The following HYKK variants were observed in gnomAD, a reference collection of about 807,000 sequenced individuals.
HYKK encodes 5-hydroxy-L-lysine kinase.
A neutral mutation model predicts 29.7 loss-of-function variants in HYKK; 19 were observed. The ratio of observed to expected loss-of-function variants is 0.64; its 90% CI spans 0.45 to 0.94. The LOEUF is 0.94. HYKK is among the 40% of genes least tolerant of loss of function. The probability of loss-of-function intolerance (pLI) is 0.00; values close to 1 mark genes in which losing one functional copy is unlikely to be tolerated. For missense variants in HYKK, 390 were observed against 443.4 expected (o/e 0.88, Z 1.08); for synonymous variants, 152 against 158.1 (o/e 0.96, Z 0.29).
intron 1 of HYKK, among the ~76,000 whole-genome samples, chr15:78,509,528 G>T (rs553962320): frequency 3.9e-5 from 6 of 152,306 alleles, no homozygotes; most frequent in African/African-American, 1.4e-4. Context: ...TGCCTCTAAG[G>T]TTCCTTACAA....
At chr15:78,528,166 G>GAA (rs2052277066) in intron 4 of HYKK, 1 of 153,702 alleles carries the variant, frequency 6.5e-6, no homozygotes, top group Non-Finnish European at 1.4e-5. Context: ...TGAGCAGAGG[G>GAA]AAAGCAAGCA....
chr15:78,513,582 G>GACCCT, intron 2 of HYKK, among the ~76,000 whole-genome samples, 157 bp downstream of exon 2: 1 of 152,182 alleles, frequency 6.6e-6, no homozygotes, highest in African/African-American at 2.4e-5. Context: ...AGAGGTGGTT[G>GACCCT]TGTTTTCGGT....
At chr15:78,532,115 G>T (rs939579999) in intron 4 of HYKK, among the ~76,000 whole-genome samples, 2 of 152,186 alleles carry the variant, frequency 1.3e-5, no homozygotes, top group Middle Eastern at 3.2e-3. Context: ...TTAAATCCGT[G>T]CTTCTTAGAC....
rs2052331874 is a variant in HYKK at position 78,533,471 on chromosome 15, T to C, written c.923T>C (p.Leu308Pro). 3 of 1,614,246 alleles carry C rather than the reference T, an allele frequency of 1.9e-6. No individual in the cohort carries two copies. The highest frequency in any genetic ancestry group is 2.5e-6 in the Non-Finnish European group (3 of 1,180,044). Residue 308 changes from leucine (L) to proline (P), a missense_variant, in exon 5 of 5, where the codon CTT becomes CCT. Physicochemically the swap from Leu to Pro is moderately conservative, Grantham distance 98. Transcript: ENST00000388988. ...GTAGAGAAGGGTGCTTTGTTTTTAC[T>C]TGTATGCAGTCGTTTTTGTCAGTCA... The part of the protein sequence containing the change: ...TAVEKGALFL[L>P]VCSRFCQSLV...
intron 3 of HYKK, among the ~76,000 whole-genome samples, chr15:78,524,817 A>G (rs988147041): frequency 2.6e-5 from 4 of 152,026 alleles, no homozygotes; most frequent in African/African-American, 9.7e-5. Flanking sequence ...TCAAAAACAA[A>G]CAAACAAACA....
chr15:78,513,990 C>T (rs1345512843), intron 2 of HYKK, among the ~76,000 whole-genome samples: 3 of 152,018 alleles, frequency 2.0e-5, no homozygotes, highest in African/African-American at 7.3e-5. Flanking sequence ...CAGGGTTTCG[C>T]CATGTTGCCC....
In HYKK at chr15:78,535,786, C is replaced by T. The variant is rs1448048844; in HGVS notation, c.*2116C>T. 1 of 151,838 alleles carries T rather than the reference C, an allele frequency of 6.6e-6. No homozygotes were observed. Among genetic ancestry groups the T allele is most frequent in the Non-Finnish European group, 1.5e-5 (1 of 68,042 alleles). The allele number at this position is 151,838 out of a possible 1,614,324, so 9.4% of individuals were successfully genotyped here. A position where few individuals can be genotyped will look rare whatever the true frequency, so the allele number is the denominator to read the frequency against. On this transcript the variant is annotated 3_prime_UTR_variant, in exon 5 of 5. Transcript: ENST00000388988. The stretch of plus-strand genomic sequence containing the variant: ...ACGCTGGAGTGCAGTGGTGTGATCA[C>T]AGCTCACTGCAACCTCTACCTCCTG...
rs2052212536 is a variant in HYKK, at chr15:78,522,892, A to G, written c.478-4488A>G. ...AGACTCTGTCTCAGAAAAAAAAAAG[A>G]AAAAAGAGAGAGAGAGGGAAAGGAC... On this transcript the variant is annotated intron_variant, in intron 3 of 4. Transcript: ENST00000388988. 2.0e-5 allele frequency among the ~76,000 whole-genome samples: 3 copies of G among 151,864 alleles called. No individual in the cohort carries two copies. In the South Asian group the frequency reaches 6.2e-4, roughly 31 times the overall value.
chr15:78,531,863 AT>A (rs2052315857), intron 4 of HYKK, among the ~76,000 whole-genome samples: 1 of 152,248 alleles, frequency 6.6e-6, no homozygotes, highest in South Asian at 2.1e-4. Flanking sequence ...TTTTGAGTCA[AT>A]TATATAATAT....
chr15:78,514,943 A>T, intron 2 of HYKK, 25 bp from the exon 3 acceptor site: 1 of 1,223,614 alleles, frequency 8.2e-7, no homozygotes, highest in Admixed American at 2.8e-5. Flanking sequence ...ATTTAGTCAA[A>T]GGATATTTTA....
intron 4 of HYKK, among the ~76,000 whole-genome samples, chr15:78,531,586 C>T (rs1035416822): frequency 6.6e-6 from 1 of 152,066 alleles, no homozygotes; most frequent in African/African-American, 2.4e-5. Flanking sequence ...GGCTAGAGTG[C>T]AGTGATGTAA....
intron 3 of HYKK, among the ~76,000 whole-genome samples, chr15:78,518,334 G>A (rs2052157475): frequency 6.6e-6 from 1 of 151,946 alleles, no homozygotes; most frequent in Admixed American, 6.6e-5. Flanking sequence ...ACCACCGCCC[G>A]GCTAATTTTT....
At chr15:78,530,293 T>C (rs1265247418) in intron 4 of HYKK, among the ~76,000 whole-genome samples, 1 of 151,896 alleles carries the variant, frequency 6.6e-6, no homozygotes, top group Non-Finnish European at 1.5e-5. Context: ...GTCCACCTCC[T>C]GGGTTTAAGA....
At chr15:78,532,804 AT>A (rs1296538094) in intron 4 of HYKK, among the ~76,000 whole-genome samples, 5 of 152,220 alleles carry the variant, frequency 3.3e-5, no homozygotes, top group Non-Finnish European at 7.3e-5. Context: ...AAGAATAAAA[AT>A]TTAAAAATAA....
intron 3 of HYKK, among the ~76,000 whole-genome samples, chr15:78,521,982 CTT>C (rs781592743): frequency 1.8e-4 from 26 of 140,694 alleles, no homozygotes; most frequent in Admixed American, 2.2e-4. Context: ...CTTTCTTCTT[CTT>C]TTTTTTTTTT....
rs568412536 is a variant in HYKK at position 78,516,190 on chromosome 15, A to G, written c.477+1083A>G. On this transcript the variant is annotated intron_variant, in intron 3 of 4. Coordinates refer to ENST00000388988, the MANE Select transcript of HYKK (RefSeq NM_001013619.4). The stretch of plus-strand genomic sequence containing the variant: ...CATAAAACATCTTCATTTATTCAAT[A>G]TTGACTGAGTACCTTTTATGTTATT... Among the ~76,000 whole-genome samples, 4 of 152,264 alleles carry G rather than the reference A, an allele frequency of 2.6e-5. No homozygotes were observed. The East Asian group carries it at 5.8e-4, about 22-fold the overall frequency.
intron 2 of HYKK, among the ~76,000 whole-genome samples, chr15:78,514,413 A>G (rs2052106003): frequency 1.3e-5 from 2 of 152,116 alleles, no homozygotes; most frequent in Admixed American, 1.3e-4. Context: ...AAGGTTCGAA[A>G]TCTTGATTGT....
Position 78,513,122 on chromosome 15 carries a change from C to G in HYKK, c.34C>G (p.Leu12Val). 1 of 1,613,728 alleles carries G rather than the reference C, an allele frequency of 6.2e-7. No homozygotes were observed. The highest frequency in any genetic ancestry group is 8.5e-7 in the Non-Finnish European group (1 of 1,179,766). Residue 12 changes from leucine (L) to valine (V), a missense_variant, in exon 2 of 5, where the codon CTT (leucine) becomes GTT (valine). Leu to Val is a conservative substitution (Grantham distance 32). Transcript: ENST00000388988. ...TGGAAACTATCAGCAGTCAGAGGCT[C>G]TTAGCAAACCCACTTTCAGTGAGGA... ...SSGNYQQSEALSKPTFSEEQA... is the reference protein window; with the variant it reads ...SSGNYQQSEAVSKPTFSEEQA...
intron 3 of HYKK, chr15:78,518,566 C>A: frequency 4.4e-6 from 2 of 456,184 alleles, no homozygotes; most frequent in Non-Finnish European, 8.8e-6. Context: ...ATTTTGTCCA[C>A]TGTTTTTGCT....
Sources: gnomAD v4.1 joint callset for allele counts (sites outside exome capture counted in the v4.1 genomes callset) on GRCh38, gnomAD v4.1.1 for gene constraint, MANE v1.5 for transcripts, NCBI Gene and HGNC (gene_info 2026-07-23, HGNC 2026-07-21) for gene names.